The following IL1RAPL1 variants were observed in gnomAD, a reference collection of about 807,000 sequenced individuals.
IL1RAPL1 encodes interleukin-1 receptor accessory protein-like 1.
In IL1RAPL1, 3 loss-of-function variants were observed where a neutral mutation model predicts 48.4. The observed-to-expected ratio is 0.06, with a 90% CI of 0.03 to 0.16. IL1RAPL1 has a LOEUF of 0.16. Ranked by LOEUF, IL1RAPL1 falls within the 10% of genes least tolerant of loss-of-function variation. IL1RAPL1 has a pLI of 1.00. For missense variants in IL1RAPL1, 349 were observed against 530.6 expected, an observed-to-expected ratio of 0.66 and a Z score of 3.36; for synonymous variants, 185 against 187.7, an observed-to-expected ratio of 0.99 and a Z score of 0.12.
intron 6 of IL1RAPL1, among the ~76,000 whole-genome samples, chrX:29,879,397 A>G (rs28571241): frequency 0.21 from 14,650 of 69,470 alleles, 1,186 homozygotes; most frequent in East Asian, 0.31. Context: ...GTGTGTGTGT[A>G]TATATATATA....
chrX:29,008,168 AT>A (rs1203523772), intron 2 of IL1RAPL1, among the ~76,000 whole-genome samples: 352 of 97,987 alleles, frequency 3.6e-3, no homozygotes, highest in Admixed American at 5.2e-3. Flanking sequence ...GGCCCGGATA[AT>A]TTTTTTTTTT....
chrX:29,737,860 T>C (rs1928090117), intron 6 of IL1RAPL1, among the ~76,000 whole-genome samples: 2 of 112,186 alleles, frequency 1.8e-5, no homozygotes, highest in East Asian at 5.6e-4. Context: ...AGAAATGTAA[T>C]AATATGCATT....
intron 2 of IL1RAPL1, among the ~76,000 whole-genome samples, chrX:28,828,932 T>C (rs1447664076): frequency 2.7e-5 from 3 of 112,105 alleles, no homozygotes; most frequent in Admixed American, 1.9e-4. Context: ...GATTGCTTTG[T>C]CAATCAATAT....
chrX:29,529,652 T>C (rs200953250), intron 5 of IL1RAPL1, among the ~76,000 whole-genome samples: 1 of 91,792 alleles, frequency 1.1e-5, no homozygotes, highest in African/African-American at 4.0e-5. Flanking sequence ...ATTAGTGTTA[T>C]TAGTGTTAGA....
intron 2 of IL1RAPL1, among the ~76,000 whole-genome samples, chrX:29,264,922 T>C (rs1248816847): frequency 1.8e-5 from 2 of 111,410 alleles, no homozygotes; most frequent in Non-Finnish European, 3.8e-5. Flanking sequence ...TTTTTTATTA[T>C]TATTTTTGAG....
At chrX:29,610,395 C>T (rs752680198) in intron 5 of IL1RAPL1, among the ~76,000 whole-genome samples, 1 of 111,629 alleles carries the variant, frequency 9.0e-6, no homozygotes, top group African/African-American at 3.3e-5. Flanking sequence ...CTATATTTCC[C>T]GTAGACAGCA....
At chrX:28,871,965 A>G (rs768667336) in intron 2 of IL1RAPL1, among the ~76,000 whole-genome samples, 33 of 111,956 alleles carry the variant, frequency 2.9e-4, no homozygotes, top group Middle Eastern at 4.6e-3. Flanking sequence ...TATAATCTCT[A>G]TTTACCTAAA....
At position 29,412,904 on chromosome X, in the gene IL1RAPL1, T is replaced by C. The variant is rs187682487; in HGVS notation, c.703+13596T>C. Among the ~76,000 whole-genome samples the C allele has an allele frequency of 9.8e-5, 11 of 112,543 alleles. No homozygotes were observed. The East Asian group carries it at 3.1e-3, about 31-fold the overall frequency. The stretch of plus-strand genomic sequence containing the variant: ...TGCATCAAACCGGACTGTGAAGGAA[T>C]ATACAAATGGAAGTGGCTACTGCCA... On this transcript the variant is annotated intron_variant, in intron 5 of 10. Coordinates refer to ENST00000378993, the MANE Select transcript of IL1RAPL1 (RefSeq NM_014271.4).
chrX:29,122,194 C>T (rs1401427828), intron 2 of IL1RAPL1, among the ~76,000 whole-genome samples: 1 of 111,107 alleles, frequency 9.0e-6, no homozygotes, highest in Admixed American at 9.7e-5. Flanking sequence ...AGTTAATTAA[C>T]ACCCTCATAT....
intron 5 of IL1RAPL1, among the ~76,000 whole-genome samples, chrX:29,534,602 AG>A (rs1020166843): frequency 9.0e-6 from 1 of 111,370 alleles, no homozygotes; most frequent in Non-Finnish European, 1.9e-5. Context: ...TGGGAGGCCA[AG>A]GCAGGAGGAT....
intron 5 of IL1RAPL1, among the ~76,000 whole-genome samples, chrX:29,559,492 A>T (rs996444000): frequency 1.8e-5 from 2 of 111,943 alleles, no homozygotes; most frequent in African/African-American, 3.2e-5. Context: ...TTTATTACTG[A>T]TTCAGTCTCC....
chrX:29,008,469 C>T (rs982057008), intron 2 of IL1RAPL1, among the ~76,000 whole-genome samples: 7 of 111,983 alleles, frequency 6.3e-5, no homozygotes, highest in African/African-American at 1.9e-4. Context: ...AGCCACCGCG[C>T]GTGGCCCGGG....
At chrX:29,025,888 A>G (rs1926474358) in intron 2 of IL1RAPL1, among the ~76,000 whole-genome samples, 1 of 111,473 alleles carries the variant, frequency 9.0e-6, no homozygotes, top group Non-Finnish European at 1.9e-5. Flanking sequence ...AATTTCCAAC[A>G]TCCCTGAGAG....
chrX:29,750,811 C>A (rs1040912220), intron 6 of IL1RAPL1, among the ~76,000 whole-genome samples: 1 of 111,331 alleles, frequency 9.0e-6, no homozygotes, highest in African/African-American at 3.3e-5. Flanking sequence ...GAGCCACAGT[C>A]TAGCTGATGT....
chrX:29,844,792 G>C (rs1158531178), intron 6 of IL1RAPL1, among the ~76,000 whole-genome samples: 1 of 111,840 alleles, frequency 8.9e-6, no homozygotes, highest in East Asian at 2.8e-4. Context: ...ATCCTTCTTG[G>C]ATACAAGGAA....
chrX:29,015,703 C>T (rs1398109084), intron 2 of IL1RAPL1, among the ~76,000 whole-genome samples: 1 of 110,510 alleles, frequency 9.0e-6, no homozygotes, highest in East Asian at 2.8e-4. Context: ...AGAAGTTCAT[C>T]TCGGTAACTC....
chrX:28,836,621 C>T (rs2147289529), intron 2 of IL1RAPL1, among the ~76,000 whole-genome samples: 1 of 109,066 alleles, frequency 9.2e-6, no homozygotes, highest in Non-Finnish European at 1.9e-5. Flanking sequence ...TTTTCATAGC[C>T]AATGAAAGGC....
chrX:29,728,289 C>G (rs1359478668), intron 6 of IL1RAPL1, among the ~76,000 whole-genome samples: 2 of 111,409 alleles, frequency 1.8e-5, no homozygotes, highest in Non-Finnish European at 3.8e-5. Flanking sequence ...AAAAATAGCT[C>G]CGAGATACCA....
At chrX:28,663,575 C>T (rs1344676931) in intron 1 of IL1RAPL1, among the ~76,000 whole-genome samples, 1 of 111,388 alleles carries the variant, frequency 9.0e-6, no homozygotes, top group Non-Finnish European at 1.9e-5. Context: ...AAAAACTGGC[C>T]CTTCACCACA....
Sources: gnomAD v4.1 joint callset for allele counts (sites outside exome capture counted in the v4.1 genomes callset) on GRCh38, gnomAD v4.1.1 for gene constraint, MANE v1.5 for transcripts, NCBI Gene and HGNC (gene_info 2026-07-23, HGNC 2026-07-21) for gene names.